DNAJC13: variants seen among roughly 807,000 people sequenced by gnomAD.
The protein encoded by DNAJC13 is DnaJ heat shock protein family (Hsp40) member C13, also known as dnaJ homolog subfamily C member 13.
DNAJC13 carries 75 observed loss-of-function variants against 290.5 expected under a neutral mutation model. The observed-to-expected ratio is 0.26, with a 90% CI of 0.21 to 0.31. DNAJC13 has a LOEUF of 0.31. DNAJC13 is among the 10% of genes least tolerant of loss of function. DNAJC13 has a pLI of 1.00. For synonymous variants in DNAJC13, 862 were observed against 892.0 expected, an observed-to-expected ratio of 0.97 and a Z score of 0.60; for missense variants, 2,260 against 2,674.5, an observed-to-expected ratio of 0.85 and a Z score of 3.42.
intron 2 of DNAJC13, among the ~76,000 whole-genome samples, chr3:132,437,306 C>T (rs1939408985): frequency 6.6e-6 from 1 of 152,040 alleles, no homozygotes; most frequent in African/African-American, 2.4e-5. Flanking sequence ...GATTTTTTTA[C>T]TTTCTTGATG....
chr3:132,505,329 G>A lies in DNAJC13; in HGVS notation c.4912G>A (p.Glu1638Lys). ...EILKMLNSNT[E>K]SPYLIWNNST... Reference sequence around the variant, plus strand: ...TTTGAAGATGCTTAACAGCAACACAGAAAGTCCATATTTGATATGGAACAA... The same window carrying A: ...TTTGAAGATGCTTAACAGCAACACAAAAAGTCCATATTTGATATGGAACAA... Residue 1638 changes from glutamate (E) to lysine (K), a missense_variant, in exon 42 of 56, where the codon GAA becomes AAA. Coordinates refer to ENST00000260818, the MANE Select transcript of DNAJC13 (RefSeq NM_015268.4). 1 of 1,609,114 alleles carries A rather than the reference G, an allele frequency of 6.2e-7. No homozygotes were observed. The highest frequency in any genetic ancestry group is 1.3e-5 in the African/African-American group (1 of 74,756).
rs202112309 is a variant in DNAJC13 at position 132,538,262 on chromosome 3, G to A, written c.6712G>A (p.Asp2238Asn). 6.8e-6 allele frequency: 11 copies of A among 1,613,610 alleles called. No individual in the cohort carries two copies. The highest frequency in any genetic ancestry group is 2.7e-5 in the African/African-American group (2 of 75,024). Reference protein sequence around the residue: ...LPPPVDHEAGDLGYQT With the variant: ...LPPPVDHEAGNLGYQT Reference sequence around the variant, plus strand: ...ACCTCCTGTAGACCATGAGGCAGGCGACCTTGGCTATCAGACTTGAAATAT... The same window carrying A: ...ACCTCCTGTAGACCATGAGGCAGGCAACCTTGGCTATCAGACTTGAAATAT... The change falls in exon 56 of 56, where the codon GAC becomes AAC. Residue 2238 changes from aspartate (D) to asparagine (N), a missense_variant. Physicochemically the swap from Asp to Asn is conservative, Grantham distance 23 (BLOSUM62 1). Around this residue, in one of 3 missense-constraint regions of DNAJC13, gnomAD observed 1,494 missense variants for 1,693.7 expected, o/e 0.88. Coordinates refer to ENST00000260818, the MANE Select transcript of DNAJC13 (RefSeq NM_015268.4).
At chr3:132,431,445 T>C (rs367783128) in intron 1 of DNAJC13, among the ~76,000 whole-genome samples, 2 of 152,100 alleles carry the variant, frequency 1.3e-5, no homozygotes, top group East Asian at 3.9e-4. Context: ...GTCGGCATCA[T>C]TGGAAAGGTG....
intron 36 of DNAJC13, 43 bp downstream of exon 36, chr3:132,496,706 C>G (rs554723030): frequency 6.4e-7 from 1 of 1,557,442 alleles, no homozygotes; most frequent in East Asian, 2.3e-5. Flanking sequence ...CTCCAGCTAA[C>G]CTTATCACAG....
In DNAJC13 at chr3:132,474,922, G is replaced by A. The variant is rs770171119; in HGVS notation, c.2292-10G>A. The A allele has an allele frequency of 3.5e-6, 5 of 1,416,650 alleles. No homozygotes were observed. Among genetic ancestry groups the A allele is most frequent in the East Asian group, 7.5e-5 (2 of 26,566 alleles). 87.8% of individuals were successfully genotyped at this position (1,416,650 alleles called of 1,614,324 possible). On this transcript the variant is annotated splice_polypyrimidine_tract_variant and intron_variant, in intron 21 of 55. Transcript: ENST00000260818. ...GCATCCTGCTATTTCCTCATTATAT[G>A]TATGTCTAGGTTTGGTCAAGACCAT...
chr3:132,466,171 GTTAT>G, intron 18 of DNAJC13, 101 bp downstream of exon 18: 1 of 1,400,000 alleles, frequency 7.1e-7, no homozygotes, highest in Non-Finnish European at 1.0e-6. Flanking sequence ...TTATTGAAAA[GTTAT>G]TTATCATAGG....
At chr3:132,421,074 T>C (rs1173326765) in intron 1 of DNAJC13, among the ~76,000 whole-genome samples, 7 of 152,240 alleles carry the variant, frequency 4.6e-5, no homozygotes, top group Non-Finnish European at 8.8e-5. Flanking sequence ...GATGGAGTTA[T>C]AGTTTCTGAA....
Position 132,511,129 on chromosome 3 carries a change from C to T in DNAJC13, c.5178C>T (p.His1726=). Residue 1726 remains histidine (H), a synonymous_variant, in exon 44 of 56, where the codon CAC becomes CAT. Coordinates refer to ENST00000260818, the MANE Select transcript of DNAJC13 (RefSeq NM_015268.4). ...TAGGCTCGCAGGCCCAATACTTGCACACATTCATGGCCATCACACACGCGG... is the reference window on the plus strand; with the variant it reads ...TAGGCTCGCAGGCCCAATACTTGCATACATTCATGGCCATCACACACGCGG... ...DYIGSQAQYL[H]TFMAITHAAK... is the part of the protein sequence containing the mutation. 1 of 1,613,968 alleles carries T rather than the reference C, an allele frequency of 6.2e-7. No homozygotes were observed.
chr3:132,452,901 C>G (rs1459602609), intron 6 of DNAJC13, among the ~76,000 whole-genome samples: 1 of 152,178 alleles, frequency 6.6e-6, no homozygotes, highest in South Asian at 2.1e-4. Flanking sequence ...TGCAAAGAAG[C>G]CTACTGTGTA....
chr3:132,479,308 C>T lies in DNAJC13; in HGVS notation c.2772+19C>T, dbSNP rs1435849869. On this transcript the variant is annotated intron_variant, in intron 25 of 55. Coordinates refer to ENST00000260818, the MANE Select transcript of DNAJC13 (RefSeq NM_015268.4). The stretch of plus-strand genomic sequence containing the variant: ...TAATAAGGTACAGTAGTTTCGCATA[C>T]ATACATTGTTATTTCCAAGTCATAT... 2.0e-6 allele frequency: 3 copies of T among 1,513,202 alleles called. No individual in the cohort carries two copies. Among genetic ancestry groups the T allele is most frequent in the Non-Finnish European group, 2.7e-6 (3 of 1,091,050 alleles). The allele number at this position is 1,513,202 out of a possible 1,614,324, so 93.7% of individuals were successfully genotyped here.
At chr3:132,438,417 C>T (rs1170590521) in intron 2 of DNAJC13, among the ~76,000 whole-genome samples, 1 of 152,054 alleles carries the variant, frequency 6.6e-6, no homozygotes, top group African/African-American at 2.4e-5. Context: ...AATAAATGGC[C>T]AACATTAAAA....
rs759284181 is a variant in DNAJC13 at position 132,477,825 on chromosome 3, G to C, written c.2482G>C (p.Gly828Arg). Residue 828 changes from glycine to arginine, a missense_variant, in exon 23 of 56, where the codon GGA (glycine) becomes CGA (arginine). By Grantham distance (125) the Gly-to-Arg change is moderately radical. Around this residue, in one of 3 missense-constraint regions of DNAJC13, gnomAD observed 1,494 missense variants for 1,693.7 expected, o/e 0.88. Coordinates refer to ENST00000260818, the MANE Select transcript of DNAJC13 (RefSeq NM_015268.4). The stretch of plus-strand genomic sequence containing the variant: ...GTGCCTGGCAGAGGAAATTAAAATA[G>C]GAGACTATTACCTGAGATTACTATT... ...YECLAEEIKI[G>R]DYYLRLLLEE... 6.2e-7 allele frequency: 1 copy of C among 1,612,918 alleles called. No individual in the cohort carries two copies. The highest frequency in any genetic ancestry group is 8.5e-7 in the Non-Finnish European group (1 of 1,179,584).
chr3:132,517,076 G>A (rs1935942418), intron 48 of DNAJC13, among the ~76,000 whole-genome samples: 1 of 152,206 alleles, frequency 6.6e-6, no homozygotes, highest in Admixed American at 6.5e-5. Context: ...CCCTCGAAGA[G>A]GGAACAAAAA....
chr3:132,437,159 G>C lies in DNAJC13; in HGVS notation c.68+2541G>C, dbSNP rs111501946. 7.8e-3 allele frequency among the ~76,000 whole-genome samples: 1,186 copies of C among 152,260 alleles called. 14 individuals are homozygous for C. Among genetic ancestry groups the C allele is most frequent in the East Asian group, 0.029 (151 of 5,188 alleles). ...CTCCCAAAGTACAGGGATTGCAGGT[G>C]TGAGCCACTGCGCTCAGCCAAGTCA... is the stretch of plus-strand genomic sequence containing the variant. On this transcript the variant is annotated intron_variant, in intron 2 of 55. Coordinates refer to ENST00000260818, the MANE Select transcript of DNAJC13 (RefSeq NM_015268.4).
In DNAJC13 at chr3:132,499,168, G is replaced by T; in HGVS notation, c.4199G>T (p.Arg1400Leu). 1.2e-6 allele frequency: 2 copies of T among 1,613,218 alleles called. No individual in the cohort carries two copies. Among genetic ancestry groups the T allele is most frequent in the Non-Finnish European group, 8.5e-7 (1 of 1,179,482 alleles). ...TATGCAGGATACCCCATGCTTATTC[G>T]GACTATAACAATGGAAACTTCAGAT... ...YKYAGYPMLI[R>L]TITMETSDDL... The change falls in exon 37 of 56, where the codon CGG becomes CTG. Residue 1400 changes from arginine (R) to leucine (L), a missense_variant. Transcript: ENST00000260818.
At chr3:132,475,985 C>T (rs921249827) in intron 22 of DNAJC13, among the ~76,000 whole-genome samples, 1 of 151,978 alleles carries the variant, frequency 6.6e-6, no homozygotes, top group Non-Finnish European at 1.5e-5. Context: ...ATAGGCTAGA[C>T]TGCAGTGGTG....
At chr3:132,452,684 G>A (rs780984868) in intron 6 of DNAJC13, among the ~76,000 whole-genome samples, 1 of 152,138 alleles carries the variant, frequency 6.6e-6, no homozygotes, top group Non-Finnish European at 1.5e-5. Flanking sequence ...TTCAGATTTG[G>A]GATGCTCAAC....
chr3:132,462,734 G>A (rs991805217), intron 16 of DNAJC13, among the ~76,000 whole-genome samples: 6 of 152,180 alleles, frequency 3.9e-5, no homozygotes, highest in Admixed American at 3.9e-4. Context: ...TGAAGTTGTA[G>A]AGCAAATAAA....
intron 20 of DNAJC13, 43 bp from the exon 21 acceptor site, chr3:132,473,102 G>A: frequency 6.7e-6 from 9 of 1,337,328 alleles, no homozygotes; most frequent in Non-Finnish European, 8.5e-6. Flanking sequence ...AAGCCTATTT[G>A]GTAGCCCCAG....
Sources: gnomAD v4.1 joint callset for allele counts (sites outside exome capture counted in the v4.1 genomes callset) on GRCh38, gnomAD v4.1.1 for gene constraint, gnomAD v4.1.1 regional missense constraint, MANE v1.5 for transcripts, NCBI Gene and HGNC (gene_info 2026-07-23, HGNC 2026-07-21) for gene names.